ACP3: variants seen among roughly 807,000 people sequenced by gnomAD.
The protein encoded by ACP3 is acid phosphatase 3.
Under a neutral mutation model 45.6 loss-of-function variants are expected in ACP3, and 38 were observed. That is an observed-to-expected ratio of 0.83 (90% confidence interval 0.64 to 1.09). The LOEUF (loss-of-function observed/expected upper bound fraction) is 1.09. ACP3 is among the 50% of genes least tolerant of loss of function. ACP3 has a pLI of 0.00. For missense variants in ACP3, 466 were observed against 463.2 expected, an observed-to-expected ratio of 1.01 and a Z score of -0.05; for synonymous variants, 162 against 164.7, an observed-to-expected ratio of 0.98 and a Z score of 0.13.
At chr3:132,337,308 A>G in intron 4 of ACP3, 148 bp from the exon 5 acceptor site, 1 of 509,742 alleles carries the variant, frequency 2.0e-6, no homozygotes, top group South Asian at 3.3e-5. Context: ...CTTTCTCCCC[A>G]ATTTTGGAAT....
At chr3:132,342,346 G>A (rs765671862) in intron 5 of ACP3, among the ~76,000 whole-genome samples, 3 of 152,190 alleles carry the variant, frequency 2.0e-5, no homozygotes, top group Non-Finnish European at 4.4e-5. Flanking sequence ...AGGAACATTT[G>A]GCAATGTCGG....
intron 5 of ACP3, among the ~76,000 whole-genome samples, chr3:132,341,677 A>G (rs146701612): frequency 3.0e-3 from 456 of 152,348 alleles, no homozygotes; most frequent in Middle Eastern, 6.8e-3. Flanking sequence ...AAATAGCATT[A>G]GAATAATTTA....
intron 1 of ACP3, among the ~76,000 whole-genome samples, chr3:132,322,998 G>A (rs1397627966): frequency 6.6e-6 from 1 of 152,140 alleles, no homozygotes; most frequent in Admixed American, 6.5e-5. Flanking sequence ...ACAGCACAAG[G>A]CCCTCACCAG....
intron 4 of ACP3, among the ~76,000 whole-genome samples, chr3:132,334,546 C>T (rs368522948): frequency 2.0e-5 from 3 of 152,148 alleles, no homozygotes; most frequent in East Asian, 1.9e-4. Flanking sequence ...ATGAGACTTA[C>T]GTGCAGTTAC....
intron 4 of ACP3, among the ~76,000 whole-genome samples, chr3:132,334,379 T>C (rs1260793675): frequency 6.6e-6 from 1 of 152,248 alleles, no homozygotes; most frequent in African/African-American, 2.4e-5. Flanking sequence ...TCCTAGCATT[T>C]AGCTGTGCTG....
rs765428542 is a variant in ACP3 at position 132,352,769 on chromosome 3, G to T, written c.914G>T (p.Gly305Val). 6.2e-7 allele frequency: 1 copy of T among 1,613,962 alleles called. No individual in the cohort carries two copies. The highest frequency in any genetic ancestry group is 8.5e-7 in the Non-Finnish European group (1 of 1,179,884). ...CAGATGGCGCTAGATGTTTACAACG[G>T]ACTCCTTCCTCCCTATGCTTCTTGC... ...GLQMALDVYN[G>V]LLPPYASCHL... Residue 305 changes from glycine to valine, a missense_variant, in exon 9 of 10, where the codon GGA becomes GTA. Transcript: ENST00000336375.
intron 5 of ACP3, among the ~76,000 whole-genome samples, chr3:132,338,983 A>T (rs1479027276): frequency 1.3e-5 from 2 of 152,070 alleles, no homozygotes; most frequent in Non-Finnish European, 2.9e-5. Context: ...CCCAGGTATA[A>T]AGCCTAGTAC....
chr3:132,360,293 G>A (rs142989610), downstream of ACP3, among the ~76,000 whole-genome samples: 352 of 143,272 alleles, frequency 2.5e-3, 7 homozygotes, highest in East Asian at 0.039. Context: ...GGCTGTAACT[G>A]CCAAGTTTTT....
chr3:132,317,622 A>G, intron 1 of ACP3, 46 bp downstream of exon 1: 2 of 1,581,244 alleles, frequency 1.3e-6, no homozygotes, highest in Non-Finnish European at 1.7e-6. Context: ...CTGTGTTCCC[A>G]GCAAAGTCTG....
chr3:132,332,342 C>T lies in ACP3; in HGVS notation c.454C>T (p.Gln152Ter). ...PVHTVPLSED[Q>*]LLYLPFRNCP... ...GCACACAGTTCCTCTTTCTGAAGAT[C>T]AGGTCAGTATACTGGGAAAACCAGG... The change falls in exon 4 of 10, where the codon CAG becomes TAG. Residue 152 changes from glutamine (Q) to a stop codon, truncating the protein, a stop_gained and splice_region_variant. Transcript: ENST00000336375. LOFTEE classifies it high-confidence loss of function. 1 of 1,614,078 alleles carries T rather than the reference C, an allele frequency of 6.2e-7. No homozygotes were observed. The highest frequency in any genetic ancestry group is 1.3e-5 in the African/African-American group (1 of 75,028).
Position 132,357,072 on chromosome 3 carries a change from T to TAG in ACP3, c.*195_*196dup. ...CCCTGCCCCCACTTGCCATAAAACT[T>TAG]AGCTAAGTTTTGTTTTGTTTTTCAG... On this transcript the variant is annotated 3_prime_UTR_variant, in exon 10 of 10. Transcript: ENST00000336375. The TAG allele has an allele frequency of 6.0e-6, 8 of 1,329,714 alleles. No homozygotes were observed. The highest frequency in any genetic ancestry group is 7.7e-6 in the Non-Finnish European group (8 of 1,041,542). 82.4% of individuals were successfully genotyped at this position (1,329,714 alleles called of 1,614,324 possible).
At chr3:132,340,512 T>A (rs1473499270) in intron 5 of ACP3, among the ~76,000 whole-genome samples, 1 of 152,166 alleles carries the variant, frequency 6.6e-6, no homozygotes. Flanking sequence ...ATAAAGGAAG[T>A]CTGCAATGCT....
chr3:132,348,600 T>C (rs1319820550), intron 7 of ACP3, among the ~76,000 whole-genome samples: 1 of 152,216 alleles, frequency 6.6e-6, no homozygotes, highest in African/African-American at 2.4e-5. Context: ...GTGGCTGTCA[T>C]GGCTCCCAAA....
chr3:132,345,910 C>T (rs1937604138), intron 7 of ACP3, among the ~76,000 whole-genome samples: 1 of 152,166 alleles, frequency 6.6e-6, no homozygotes, highest in African/African-American at 2.4e-5. Flanking sequence ...ATGTGGTTAT[C>T]ATAGGTATTA....
intron 1 of ACP3, among the ~76,000 whole-genome samples, chr3:132,327,679 C>T (rs548282309): frequency 6.7e-4 from 101 of 151,202 alleles, no homozygotes; most frequent in South Asian, 1.1e-3. Flanking sequence ...ATTAGCTGGG[C>T]GTGGTGGCAA....
downstream of ACP3, among the ~76,000 whole-genome samples, chr3:132,360,206 G>A (rs1938013912): frequency 6.6e-6 from 1 of 152,048 alleles, no homozygotes; most frequent in Admixed American, 6.6e-5. Context: ...GAAGATTGTA[G>A]GGGTTGAGTG....
chr3:132,347,470 T>C (rs192625096), intron 7 of ACP3, among the ~76,000 whole-genome samples: 69 of 152,250 alleles, frequency 4.5e-4, no homozygotes, highest in African/African-American at 1.7e-3. Context: ...TTTCTTTGTA[T>C]TTTTTGTTTG....
chr3:132,352,962 T>C, intron 9 of ACP3, 139 bp downstream of exon 9: 1 of 615,226 alleles, frequency 1.6e-6, no homozygotes, highest in Non-Finnish European at 2.9e-6. Flanking sequence ...TAACAAGATC[T>C]TTGCTAGTCA....
downstream of ACP3, among the ~76,000 whole-genome samples, chr3:132,361,196 GTGATATCCCTTGTTCAA>G (rs1411403487): frequency 1.3e-5 from 2 of 152,026 alleles, no homozygotes; most frequent in Admixed American, 1.3e-4. Context: ...CCCTTGTTCA[GTGATATCCCTTGTTCAA>G]TGATATCCCT....
Sources: gnomAD v4.1 joint callset for allele counts (sites outside exome capture counted in the v4.1 genomes callset) on GRCh38, gnomAD v4.1.1 for gene constraint, MANE v1.5 for transcripts, NCBI Gene and HGNC (gene_info 2026-07-23, HGNC 2026-07-21) for gene names.